Variants in FGFR2 observed in about 807,000 individuals in gnomAD.
The protein encoded by FGFR2 is fibroblast growth factor receptor 2.
Under a neutral mutation model 95.9 loss-of-function variants are expected in FGFR2, and 19 were observed. That is an observed-to-expected ratio of 0.20 (90% confidence interval 0.14 to 0.29). The LOEUF is 0.29. Among genes scored for constraint, FGFR2 ranks in the 10% least tolerant of loss-of-function variants. The pLI is 1.00. For synonymous variants in FGFR2, 392 were observed against 393.3 expected (o/e 1.00, Z 0.04); for missense variants, 707 against 1,056.9 (o/e 0.67, Z 4.59).
At chr10:121,558,642 C>G (rs1275502519) in intron 4 of FGFR2, among the ~76,000 whole-genome samples, 1 of 147,962 alleles carries the variant, frequency 6.8e-6, no homozygotes, top group East Asian at 2.0e-4. Flanking sequence ...GAGTCTCACT[C>G]TGTCGCCCAG....
chr10:121,589,964 T>C (rs1223067585), intron 2 of FGFR2, among the ~76,000 whole-genome samples: 3 of 152,252 alleles, frequency 2.0e-5, no homozygotes, highest in African/African-American at 7.2e-5. Context: ...TAAATGCGTA[T>C]GGTTAATATT....
At chr10:121,589,213 T>C (rs1373375702) in intron 2 of FGFR2, among the ~76,000 whole-genome samples, 3 of 152,156 alleles carry the variant, frequency 2.0e-5, no homozygotes, top group Non-Finnish European at 4.4e-5. Flanking sequence ...TTCGCTTCCA[T>C]GGAAATGTAA....
chr10:121,560,060 C>T (rs1856728951), intron 4 of FGFR2, among the ~76,000 whole-genome samples: 1 of 152,186 alleles, frequency 6.6e-6, no homozygotes, highest in Non-Finnish European at 1.5e-5. Context: ...AACTGGAGAG[C>T]TGTAAACACC....
At chr10:121,550,889 T>G (rs912575808) in intron 5 of FGFR2, among the ~76,000 whole-genome samples, 1 of 152,152 alleles carries the variant, frequency 6.6e-6, no homozygotes, top group African/African-American at 2.4e-5. Flanking sequence ...AAGTATTCCT[T>G]CTAATTCCTG....
At chr10:121,480,191 G>A in intron 17 of FGFR2, 170 bp from the exon 18 acceptor site, 1 of 814,094 alleles carries the variant, frequency 1.2e-6, no homozygotes. Context: ...GACAGGACAG[G>A]AGACCCCTAG....
Position 121,588,617 on chromosome 10 carries a change from GA to G in FGFR2, c.109+5091del, listed in dbSNP as rs1207348803. On this transcript the variant is annotated intron_variant, in intron 2 of 17. Coordinates refer to ENST00000358487, the MANE Select transcript of FGFR2 (RefSeq NM_000141.5). Reference sequence around the variant, plus strand: ...TCATATGGGATACAGCAAAAAGATGGAAAAAAATGCAAAACTTAAGGCTAGG... The same window carrying G: ...TCATATGGGATACAGCAAAAAGATGGAAAAAATGCAAAACTTAAGGCTAGG... 2.0e-5 allele frequency among the ~76,000 whole-genome samples: 3 copies of G among 151,986 alleles called. No homozygotes were observed. In the South Asian group the frequency reaches 6.2e-4, roughly 32 times the overall value.
chr10:121,506,669 T>C (rs1435896106), intron 9 of FGFR2, among the ~76,000 whole-genome samples: 1 of 152,014 alleles, frequency 6.6e-6, no homozygotes, highest in East Asian at 1.9e-4. Flanking sequence ...GCTCACAGAA[T>C]AGGATGTGGG....
Position 121,517,573 on chromosome 10 carries a change from C to T in FGFR2, c.940-110G>A. 1 of 1,283,990 alleles carries T rather than the reference C, an allele frequency of 7.8e-7. No homozygotes were observed. The highest frequency in any genetic ancestry group is 1.1e-6 in the Non-Finnish European group (1 of 899,456). 79.5% of individuals were successfully genotyped at this position (1,283,990 alleles called of 1,614,324 possible). On this transcript the variant is annotated intron_variant, in intron 7 of 17. Transcript: ENST00000358487. This position sits in a 1 kb window ranked among gnomAD's most constrained non-coding sequence, Gnocchi z 4.7. ...CGGGGGCTTCAGGGGGTGCTGGCCA[C>T]TGGGAGATTCCGACTGCAGCCCATC...
At chr10:121,597,707 G>A (rs571211713) in intron 1 of FGFR2, among the ~76,000 whole-genome samples, 152 of 152,366 alleles carry the variant, frequency 1.0e-3, no homozygotes, top group Non-Finnish European at 1.7e-3. Flanking sequence ...AGGGAGGGGG[G>A]CGTCAACGCC....
chr10:121,552,415 A>G (rs527675383), intron 4 of FGFR2, among the ~76,000 whole-genome samples: 1 of 152,206 alleles, frequency 6.6e-6, no homozygotes. Flanking sequence ...AATCTTCACA[A>G]TGCTTCAACA....
rs1358195728 is a variant in FGFR2 at position 121,479,751 on chromosome 10, C to T, written c.*106G>A. On this transcript the variant is annotated 3_prime_UTR_variant, in exon 18 of 18. Coordinates refer to ENST00000358487, the MANE Select transcript of FGFR2 (RefSeq NM_000141.5). The stretch of plus-strand genomic sequence containing the variant: ...TTTTCCAATTATTTACTCCTCTGAT[C>T]CATATATACAAGTGGAGACAACAAG... The T allele has an allele frequency of 3.3e-5, 54 of 1,612,660 alleles. No homozygotes were observed. Among genetic ancestry groups the T allele is most frequent in the Non-Finnish European group, 4.3e-5 (51 of 1,179,010 alleles).
intron 2 of FGFR2, among the ~76,000 whole-genome samples, chr10:121,581,848 C>G (rs147067412): frequency 6.6e-6 from 1 of 151,538 alleles, no homozygotes; most frequent in African/African-American, 2.4e-5. Context: ...GGGGCACATG[C>G]CTCCGGCCCA....
intron 17 of FGFR2, chr10:121,481,716 C>A (rs906543697): frequency 4.4e-6 from 1 of 224,776 alleles, no homozygotes; most frequent in Non-Finnish European, 8.8e-6. Context: ...GTACTAGATA[C>A]AAATTTCAGT....
chr10:121,518,045 A>G lies in FGFR2; in HGVS notation c.940-582T>C, dbSNP rs763170348. 2 of 500,212 alleles carry G rather than the reference A, an allele frequency of 4.0e-6. No homozygotes were observed. Among genetic ancestry groups the G allele is most frequent in the South Asian group, 3.0e-5 (2 of 66,870 alleles). 31.0% of individuals were successfully genotyped at this position (500,212 alleles called of 1,614,324 possible). Reference sequence around the variant, plus strand: ...ACAAAAAGAAATGGAAGCAAGCATCATCTTGGTAACCAAAAAAACTGGGCT... The same window carrying G: ...ACAAAAAGAAATGGAAGCAAGCATCGTCTTGGTAACCAAAAAAACTGGGCT... On this transcript the variant is annotated intron_variant, in intron 7 of 17. Coordinates refer to ENST00000358487, the MANE Select transcript of FGFR2 (RefSeq NM_000141.5). The surrounding 1 kb of genome is among the most constrained non-coding windows in gnomAD (Gnocchi z 4.0).
chr10:121,574,244 G>C (rs1859325668), intron 2 of FGFR2, among the ~76,000 whole-genome samples: 2 of 152,242 alleles, frequency 1.3e-5, no homozygotes, highest in South Asian at 4.2e-4. Flanking sequence ...TAAAGGCAAT[G>C]GAGGCCAGGT....
intron 5 of FGFR2, among the ~76,000 whole-genome samples, chr10:121,544,363 G>A (rs539218992): frequency 3.3e-5 from 5 of 150,650 alleles, no homozygotes; most frequent in African/African-American, 4.9e-5. Context: ...AAAATCGCTC[G>A]AACCTGGGAG....
intron 17 of FGFR2, chr10:121,480,266 A>AC: frequency 1.7e-6 from 1 of 574,064 alleles, no homozygotes; most frequent in South Asian, 1.9e-5. Flanking sequence ...CGTCTGATGT[A>AC]CCCCAGGCTG....
chr10:121,543,545 T>TA (rs1854069454), intron 5 of FGFR2, among the ~76,000 whole-genome samples: 1 of 152,028 alleles, frequency 6.6e-6, no homozygotes, highest in South Asian at 2.1e-4. Context: ...CATAAAATCT[T>TA]ATTCTCCCAT....
intron 4 of FGFR2, among the ~76,000 whole-genome samples, chr10:121,556,396 ACTCTCTCTCTCTCTCT>A (rs35668561): frequency 2.3e-5 from 3 of 128,140 alleles, no homozygotes; most frequent in South Asian, 2.6e-4. Flanking sequence ...TTTATAATCT[ACTCTCTCTCTCTCTCT>A]CTCTCTCTCT....
Sources: gnomAD v4.1 joint callset for allele counts (sites outside exome capture counted in the v4.1 genomes callset) on GRCh38, gnomAD v4.1.1 for gene constraint, Gnocchi (gnomAD v3.1) non-coding constraint, MANE v1.5 for transcripts, NCBI Gene and HGNC (gene_info 2026-07-23, HGNC 2026-07-21) for gene names.